The following KRT1 variants were observed in gnomAD, a reference collection of about 807,000 sequenced individuals.
KRT1 encodes keratin, type II cytoskeletal 1.
A neutral mutation model predicts 51.6 loss-of-function variants in KRT1; 28 were observed. The ratio of observed to expected loss-of-function variants is 0.54; its 90% CI spans 0.40 to 0.74. The LOEUF (loss-of-function observed/expected upper bound fraction) is 0.74. KRT1 is among the 30% of genes least tolerant of loss of function. The pLI, the probability that KRT1 is intolerant of heterozygous loss-of-function variation, is 0.00. For missense variants in KRT1, 783 were observed against 815.5 expected (o/e 0.96, Z 0.49); for synonymous variants, 301 against 307.7 (o/e 0.98, Z 0.23).
chr12:52,680,104 C>G lies in KRT1; in HGVS notation c.245G>C (p.Arg82Thr), dbSNP rs1464830293. ...AAAGCCACTACCACGTCCACCTCCT[C>G]TAGCCACACTTATGGAGATGCTTTT... ...GSKSISISVA[R>T]GGGRGSGFGG... Residue 82 changes from arginine to threonine, a missense_variant, in exon 1 of 9, where the codon AGA becomes ACA. Coordinates refer to ENST00000252244, the MANE Select transcript of KRT1 (RefSeq NM_006121.4). 3 of 1,560,492 alleles carry G rather than the reference C, an allele frequency of 1.9e-6. No individual in the cohort carries two copies. Among genetic ancestry groups the G allele is most frequent in the South Asian group, 1.2e-5 (1 of 85,538 alleles).
At chr12:52,678,439 C>T (rs1941541551) in intron 2 of KRT1, 103 bp downstream of exon 2, 30 of 1,246,236 alleles carry the variant, frequency 2.4e-5, no homozygotes, top group Middle Eastern at 1.9e-4. Context: ...TGCCTCTAAC[C>T]TAAGAAAAGA....
In KRT1 at chr12:52,675,978, G is replaced by T. The variant is rs560870851; in HGVS notation, c.1476-234C>A. 1.7e-3 allele frequency among the ~76,000 whole-genome samples: 264 copies of T among 152,184 alleles called. 3 individuals are homozygous for T. The highest frequency in any genetic ancestry group is 5.4e-4 in the Non-Finnish European group (37 of 68,016). ...GACAAGAGCCTTGCAGCCAATGAAG[G>T]CCCCCTCTAAAGATGCCGACTTTAG... On this transcript the variant is annotated intron_variant, in intron 7 of 8. Transcript: ENST00000252244.
rs626480 is a variant in KRT1 at position 52,677,554 on chromosome 12, A to G, written c.964-74T>C. On this transcript the variant is annotated intron_variant, in intron 4 of 8. Coordinates refer to ENST00000252244, the MANE Select transcript of KRT1 (RefSeq NM_006121.4). The stretch of plus-strand genomic sequence containing the variant: ...CAACTTAGACAGAGAAAGCAGTCAG[A>G]AAATAAAAGATAAATATCTATTCTT... 1,605,869 of 1,606,794 alleles carry G rather than the reference A, an allele frequency of 1. 802,478 individuals carry two copies. The highest frequency in any genetic ancestry group is 1 in the East Asian group (44,814 of 44,814).
intron 1 of KRT1, among the ~76,000 whole-genome samples, chr12:52,679,355 A>G (rs1003816848): frequency 6.6e-6 from 1 of 152,156 alleles, no homozygotes; most frequent in Admixed American, 6.5e-5. Flanking sequence ...TTCTGCTACA[A>G]TAACACTCTA....
At chr12:52,678,908 A>G in intron 1 of KRT1, 152 bp from the exon 2 acceptor site, 2 of 750,194 alleles carry the variant, frequency 2.7e-6, no homozygotes, top group Non-Finnish European at 4.5e-6. Context: ...TCATCTGCAT[A>G]ATAAAACCCA....
chr12:52,676,605 T>A, intron 6 of KRT1, 110 bp from the exon 7 acceptor site: 1 of 1,113,858 alleles, frequency 9.0e-7, no homozygotes, highest in South Asian at 1.3e-5. Flanking sequence ...ACAGAACCAC[T>A]TGGCCTTAAG....
intron 3 of KRT1, 80 bp from the exon 4 acceptor site, chr12:52,677,825 G>T: frequency 8.0e-7 from 1 of 1,244,354 alleles, no homozygotes; most frequent in Non-Finnish European, 1.2e-6. Flanking sequence ...GATTCTCCAA[G>T]CAAAAAAAGG....
Position 52,677,098 on chromosome 12 carries a change from G to A in KRT1, c.1215C>T (p.Ile405=), listed in dbSNP as rs534574954. ...KIEISELNRV[I]QRLRSEIDNV... ...TGTCGATTTCAGATCTAAGTCTCTG[G>A]ATCACACGATTCAGCTCAGAAATTT... Residue 405 remains isoleucine (I), a synonymous_variant, in exon 6 of 9, where the codon ATC becomes ATT. Coordinates refer to ENST00000252244, the MANE Select transcript of KRT1 (RefSeq NM_006121.4). The A allele has an allele frequency of 9.1e-5, 147 of 1,613,922 alleles. 1 individual carries two copies. In the Middle Eastern group the frequency reaches 1.5e-3, roughly 16 times the overall value.
intron 2 of KRT1, 48 bp downstream of exon 2, chr12:52,678,494 A>C: frequency 6.4e-7 from 1 of 1,570,798 alleles, no homozygotes; most frequent in Non-Finnish European, 8.8e-7. Context: ...TACTTTCTGG[A>C]ACTCTTTTAC....
At chr12:52,679,658 T>G in intron 1 of KRT1, 100 bp downstream of exon 1, 1 of 1,046,764 alleles carries the variant, frequency 9.6e-7, no homozygotes, top group African/African-American at 1.6e-5. Flanking sequence ...TTTAATCATG[T>G]AAACATGGAA....
At chr12:52,677,534 TAGAC>T (rs1351586874) in intron 4 of KRT1, 54 bp from the exon 5 acceptor site, 9 of 1,610,978 alleles carry the variant, frequency 5.6e-6, no homozygotes, top group Admixed American at 1.7e-5. Flanking sequence ...AAAAACAACT[TAGAC>T]AGAGAAAGCA....
In KRT1 at chr12:52,680,078, C is replaced by T; in HGVS notation, c.271G>A (p.Gly91Ser). ...ARGGGRGSGFGGGYGGGGFGG... is the reference protein window; with the variant it reads ...ARGGGRGSGFSGGYGGGGFGG... The stretch of plus-strand genomic sequence containing the variant: ...AAGCCACCACCACCATAACCACCAC[C>T]AAAGCCACTACCACGTCCACCTCCT... Residue 91 changes from glycine (G) to serine (S), a missense_variant, in exon 1 of 9, where the codon GGT becomes AGT. Gly to Ser is a moderately conservative substitution (Grantham distance 56). Coordinates refer to ENST00000252244, the MANE Select transcript of KRT1 (RefSeq NM_006121.4). The T allele has an allele frequency of 1.3e-6, 2 of 1,555,824 alleles. No homozygotes were observed. The highest frequency in any genetic ancestry group is 1.2e-5 in the South Asian group (1 of 84,968).
Position 52,679,951 on chromosome 12 carries a change from C to T in KRT1, c.398G>A (p.Gly133Asp). 1 of 1,613,170 alleles carries T rather than the reference C, an allele frequency of 6.2e-7. No individual in the cohort carries two copies. Among genetic ancestry groups the T allele is most frequent in the South Asian group, 1.1e-5 (1 of 90,998 alleles). Reference protein sequence around the residue: ...GSGGGGFGGGGFGGGGYGGGY... With the variant: ...GSGGGGFGGGDFGGGGYGGGY... ...ACCCCCATATCCACCACCCCCAAAGCCACCTCCACCAAAACCACCACCACC... is the reference window on the plus strand; with the variant it reads ...ACCCCCATATCCACCACCCCCAAAGTCACCTCCACCAAAACCACCACCACC... Residue 133 changes from glycine to aspartate, a missense_variant, in exon 1 of 9, where the codon GGC (glycine) becomes GAC (aspartate). Coordinates refer to ENST00000252244, the MANE Select transcript of KRT1 (RefSeq NM_006121.4).
intron 2 of KRT1, 26 bp downstream of exon 2, chr12:52,678,516 A>G: frequency 6.2e-7 from 1 of 1,610,190 alleles, no homozygotes; most frequent in Non-Finnish European, 8.5e-7. Flanking sequence ...GCAAAAGTTA[A>G]GAACTGCCCA....
chr12:52,678,090 T>C, intron 3 of KRT1, 73 bp downstream of exon 3: 1 of 1,450,136 alleles, frequency 6.9e-7, no homozygotes, highest in Non-Finnish European at 9.7e-7. Flanking sequence ...ATGGCTGCTT[T>C]CTGCTTAGTA....
In KRT1 at chr12:52,680,356, T is replaced by C. The variant is rs1384179672; in HGVS notation, c.-8A>G. The C allele has an allele frequency of 1.2e-6, 2 of 1,612,204 alleles. No homozygotes were observed. Among genetic ancestry groups the C allele is most frequent in the Admixed American group, 3.3e-5 (2 of 60,016 alleles). ...ACTAAACTGTCGACTCATGTTGACT[T>C]AGAGAAAAGTAGGAGCAAGGTAGAG... is the stretch of plus-strand genomic sequence containing the variant. On this transcript the variant is annotated 5_prime_UTR_variant, in exon 1 of 9. Coordinates refer to ENST00000252244, the MANE Select transcript of KRT1 (RefSeq NM_006121.4).
Position 52,675,547 on chromosome 12 carries a change from A to G in KRT1, c.1581T>C (p.Ser527=), listed in dbSNP as rs1565646398. The change falls in exon 9 of 9, where the codon TCT becomes TCC. Residue 527 remains serine, a synonymous_variant. Transcript: ENST00000252244. ...CTCCGGAGCCATAGCTGCTACCTCCAGAGCCGTAGCCACCGCCGCCACCTC... is the reference window on the plus strand; with the variant it reads ...CTCCGGAGCCATAGCTGCTACCTCCGGAGCCGTAGCCACCGCCGCCACCTC... ...SRGGGGGGYG[S]GGSSYGSGGG... is the part of the protein sequence containing the mutation. 13 of 1,610,410 alleles carry G rather than the reference A, an allele frequency of 8.1e-6. No individual in the cohort carries two copies. The highest frequency in any genetic ancestry group is 1.0e-5 in the Non-Finnish European group (12 of 1,179,270).
chr12:52,678,230 GA>G lies in KRT1; in HGVS notation c.807-8del, dbSNP rs763741184. On this transcript the variant is annotated splice_region_variant and splice_polypyrimidine_tract_variant and intron_variant, in intron 2 of 8. Coordinates refer to ENST00000252244, the MANE Select transcript of KRT1 (RefSeq NM_006121.4). ...GTTGATTTCATCCTCATACCTGCAGGAAAGCAGAAACAATTAGGAGATTCAG... is the reference window on the plus strand; with the variant it reads ...GTTGATTTCATCCTCATACCTGCAGGAAGCAGAAACAATTAGGAGATTCAG... 1 of 1,613,844 alleles carries G rather than the reference GA, an allele frequency of 6.2e-7. No homozygotes were observed. The highest frequency in any genetic ancestry group is 1.7e-5 in the Admixed American group (1 of 60,028).
chr12:52,677,522 C>CA (rs1941528287), intron 4 of KRT1, 42 bp from the exon 5 acceptor site: 1 of 1,612,452 alleles, frequency 6.2e-7, no homozygotes, highest in Non-Finnish European at 8.5e-7. Context: ...AGCACTAAAA[C>CA]AAAAAACAAC....
Sources: gnomAD v4.1 joint callset for allele counts (sites outside exome capture counted in the v4.1 genomes callset) on GRCh38, gnomAD v4.1.1 for gene constraint, MANE v1.5 for transcripts, NCBI Gene and HGNC (gene_info 2026-07-23, HGNC 2026-07-21) for gene names.